The following TRA2A variants were observed in gnomAD, a reference collection of about 807,000 sequenced individuals.
TRA2A encodes the protein transformer-2 protein homolog alpha.
A neutral mutation model predicts 45.7 loss-of-function variants in TRA2A; 31 were observed. The ratio of observed to expected loss-of-function variants is 0.68; its 90% CI spans 0.51 to 0.92. The LOEUF is 0.92. Among genes scored for constraint, TRA2A ranks in the 40% least tolerant of loss-of-function variants. TRA2A has a pLI of 0.00. For synonymous variants in TRA2A, 132 were observed against 126.2 expected (o/e 1.05, Z -0.31); for missense variants, 304 against 367.5 (o/e 0.83, Z 1.41).
intron 5 of TRA2A, chr7:23,506,490 T>G: frequency 2.1e-6 from 1 of 468,322 alleles, no homozygotes; most frequent in Non-Finnish European, 3.7e-6. Context: ...AACTATTAAC[T>G]GCTTTTCTAC....
intron 5 of TRA2A, 49 bp downstream of exon 5, chr7:23,507,371 A>C: frequency 2.0e-6 from 3 of 1,493,142 alleles, no homozygotes; most frequent in Non-Finnish European, 2.8e-6. Context: ...AATTTTGCAC[A>C]TATTTCTGGT....
At position 23,506,415 on chromosome 7, in the gene TRA2A, C is replaced by T. The variant is rs1789342164; in HGVS notation, c.642-149G>A. ...CTCCGTATCTCATTTTACTGACTCC[C>T]ATGGTATTCTGGTTTGCCTTATTCC... On this transcript the variant is annotated intron_variant, in intron 5 of 7. Transcript: ENST00000297071. 3.0e-6 allele frequency: 3 copies of T among 989,012 alleles called. No homozygotes were observed. The East Asian group carries it at 8.0e-5, about 26-fold the overall frequency. 61.3% of individuals were successfully genotyped at this position (989,012 alleles called of 1,614,324 possible). A position where few individuals can be genotyped will look rare whatever the true frequency, so the allele number is the denominator to read the frequency against.
intron 1 of TRA2A, among the ~76,000 whole-genome samples, chr7:23,523,280 G>A (rs1028067206): frequency 6.6e-6 from 1 of 152,022 alleles, no homozygotes; most frequent in Admixed American, 6.6e-5. Flanking sequence ...TATCCAAAAA[G>A]TGATGGGTTT....
At chr7:23,522,724 C>T (rs1562798878) in intron 1 of TRA2A, among the ~76,000 whole-genome samples, 1 of 152,016 alleles carries the variant, frequency 6.6e-6, no homozygotes, top group Non-Finnish European at 1.5e-5. Flanking sequence ...TAATATAATT[C>T]AAATATAAAT....
intron 1 of TRA2A, chr7:23,522,103 C>A (rs990845648): frequency 2.3e-6 from 3 of 1,304,758 alleles, no homozygotes; most frequent in Non-Finnish European, 2.9e-6. Context: ...CATACAGACA[C>A]TGGAACATAA....
chr7:23,506,371 C>A (rs1584104278), intron 5 of TRA2A, 105 bp from the exon 6 acceptor site: 3 of 1,340,410 alleles, frequency 2.2e-6, no homozygotes, highest in Non-Finnish European at 2.9e-6. Flanking sequence ...GGAAGAACAT[C>A]CCTTTCATGA....
At chr7:23,523,907 A>T (rs1790236189) in intron 1 of TRA2A, among the ~76,000 whole-genome samples, 1 of 152,228 alleles carries the variant, frequency 6.6e-6, no homozygotes, top group Admixed American at 6.5e-5. Flanking sequence ...CCTTTCCACA[A>T]AACAGACCCT....
At chr7:23,511,162 G>A (rs1430715347) in intron 4 of TRA2A, among the ~76,000 whole-genome samples, 1 of 151,710 alleles carries the variant, frequency 6.6e-6, no homozygotes, top group Non-Finnish European at 1.5e-5. Context: ...ACGAGGTCAG[G>A]AGATTGAGAT....
intron 2 of TRA2A, among the ~76,000 whole-genome samples, chr7:23,519,465 G>A (rs765178100): frequency 3.9e-5 from 6 of 151,938 alleles, no homozygotes; most frequent in Non-Finnish European, 7.4e-5. Flanking sequence ...CCTTCTATAC[G>A]GTACTCAATG....
At chr7:23,523,855 T>C (rs1347867764) in intron 1 of TRA2A, among the ~76,000 whole-genome samples, 2 of 152,228 alleles carry the variant, frequency 1.3e-5, no homozygotes. Flanking sequence ...GGTTCATTAA[T>C]CAAACTCATA....
At chr7:23,516,658 T>C in intron 2 of TRA2A, 130 bp from the exon 3 acceptor site, 1 of 758,730 alleles carries the variant, frequency 1.3e-6, no homozygotes, top group Non-Finnish European at 2.1e-6. Flanking sequence ...GGAAAGGGTA[T>C]TCTTCCTTTG....
intron 4 of TRA2A, 43 bp from the exon 5 acceptor site, chr7:23,507,578 C>T: frequency 1.5e-6 from 2 of 1,343,142 alleles, no homozygotes; most frequent in East Asian, 2.3e-5. Flanking sequence ...ATTCACCAGT[C>T]TTGAAGTAAT....
At chr7:23,506,291 C>A in intron 5 of TRA2A, 25 bp from the exon 6 acceptor site, 1 of 1,579,098 alleles carries the variant, frequency 6.3e-7, no homozygotes, top group Non-Finnish European at 8.6e-7. Flanking sequence ...AAAAATTCTC[C>A]ATTAGTGTGA....
chr7:23,528,490 G>A (rs1177270350), intron 1 of TRA2A, among the ~76,000 whole-genome samples: 1 of 152,138 alleles, frequency 6.6e-6, no homozygotes, highest in Non-Finnish European at 1.5e-5. Flanking sequence ...ACAGGCGTGA[G>A]CCACCGGGCC....
intron 2 of TRA2A, among the ~76,000 whole-genome samples, chr7:23,518,322 C>A (rs1421263383): frequency 6.6e-6 from 1 of 151,864 alleles, no homozygotes; most frequent in Non-Finnish European, 1.5e-5. Flanking sequence ...CAACAACCAC[C>A]TAAATGCCCA....
At chr7:23,515,073 C>CT (rs1298611836) in intron 3 of TRA2A, among the ~76,000 whole-genome samples, 2 of 152,090 alleles carry the variant, frequency 1.3e-5, no homozygotes, top group Admixed American at 6.6e-5. Context: ...ATGTTAAAAG[C>CT]TTTAAGTGTA....
intron 1 of TRA2A, among the ~76,000 whole-genome samples, chr7:23,522,941 T>A (rs1381491997): frequency 6.6e-6 from 1 of 151,852 alleles, no homozygotes; most frequent in African/African-American, 2.4e-5. Flanking sequence ...AAGAAAAAAA[T>A]CAGTAAAATT....
chr7:23,518,028 T>C (rs924982092), intron 2 of TRA2A, among the ~76,000 whole-genome samples: 3 of 151,922 alleles, frequency 2.0e-5, no homozygotes, highest in African/African-American at 4.8e-5. Context: ...AACCTCTCTC[T>C]CCCAGGCTCA....
At chr7:23,514,980 C>A (rs971833093) in intron 3 of TRA2A, among the ~76,000 whole-genome samples, 2 of 152,138 alleles carry the variant, frequency 1.3e-5, no homozygotes, top group Non-Finnish European at 2.9e-5. Flanking sequence ...AAAAACTAAA[C>A]CAAAACCAAA....
Sources: gnomAD v4.1 joint callset for allele counts (sites outside exome capture counted in the v4.1 genomes callset) on GRCh38, gnomAD v4.1.1 for gene constraint, MANE v1.5 for transcripts, NCBI Gene and HGNC (gene_info 2026-07-23, HGNC 2026-07-21) for gene names.